KIAA0825: variants seen among roughly 807,000 people sequenced by gnomAD.
The protein encoded by KIAA0825 is uncharacterized protein KIAA0825.
In KIAA0825, 119 loss-of-function variants were observed where a neutral mutation model predicts 147.6. That is an observed-to-expected ratio of 0.81 (90% CI 0.69 to 0.94). The LOEUF (loss-of-function observed/expected upper bound fraction) is 0.94, where lower values mean the gene tolerates loss of function less well. KIAA0825 is among the 40% of genes least tolerant of loss of function. The pLI, the probability that KIAA0825 is intolerant of heterozygous loss-of-function variation, is 0.00. For missense variants in KIAA0825, 1,381 were observed against 1,472.7 expected (o/e 0.94, Z 1.02); for synonymous variants, 470 against 518.1 (o/e 0.91, Z 1.26).
chr5:94,596,676 A>T (rs1785372845), intron 1 of KIAA0825, among the ~76,000 whole-genome samples: 1 of 152,184 alleles, frequency 6.6e-6, no homozygotes, highest in African/African-American at 2.4e-5. Context: ...CAGTATGACT[A>T]TTTTAATGAT....
intron 20 of KIAA0825, among the ~76,000 whole-genome samples, chr5:94,220,520 A>G (rs925420923): frequency 6.6e-6 from 1 of 152,198 alleles, no homozygotes; most frequent in Admixed American, 6.5e-5. Flanking sequence ...GGCAGCACAC[A>G]TTTGTTTATA....
At chr5:94,544,868 A>G (rs1285163043) in intron 2 of KIAA0825, among the ~76,000 whole-genome samples, 1 of 152,166 alleles carries the variant, frequency 6.6e-6, no homozygotes, top group Non-Finnish European at 1.5e-5. Context: ...AACTAAGTAC[A>G]CACAAAAAGC....
intron 13 of KIAA0825, among the ~76,000 whole-genome samples, chr5:94,450,766 G>A (rs995418869): frequency 3.9e-5 from 6 of 152,274 alleles, no homozygotes; most frequent in South Asian, 2.1e-4. Context: ...ATACTAGCAC[G>A]TCAGAATCCC....
chr5:94,216,350 A>C (rs1469813690), intron 20 of KIAA0825, among the ~76,000 whole-genome samples: 1 of 152,136 alleles, frequency 6.6e-6, no homozygotes, highest in Non-Finnish European at 1.5e-5. Flanking sequence ...TTAGGGGTGA[A>C]GGGAGTAGTA....
At chr5:94,552,483 T>C (rs551535925) in intron 2 of KIAA0825, among the ~76,000 whole-genome samples, 1 of 152,282 alleles carries the variant, frequency 6.6e-6, no homozygotes, top group South Asian at 2.1e-4. Flanking sequence ...ACATGGAACA[T>C]TCTTCAGGAC....
chr5:94,475,878 T>C (rs1035737370), intron 7 of KIAA0825, among the ~76,000 whole-genome samples: 1 of 152,168 alleles, frequency 6.6e-6, no homozygotes, highest in Non-Finnish European at 1.5e-5. Flanking sequence ...AATAGTTTAT[T>C]TGTTCTTATG....
chr5:94,510,421 C>A (rs1333469782), intron 5 of KIAA0825, among the ~76,000 whole-genome samples: 1 of 152,136 alleles, frequency 6.6e-6, no homozygotes, highest in African/African-American at 2.4e-5. Context: ...TTATACTTTT[C>A]TAAATAATAG....
intron 2 of KIAA0825, among the ~76,000 whole-genome samples, chr5:94,537,373 C>T (rs992820843): frequency 5.3e-5 from 8 of 152,226 alleles, no homozygotes; most frequent in African/African-American, 1.9e-4. Flanking sequence ...AGCTGAGGGC[C>T]GGGCGCGGTG....
At chr5:94,400,768 A>C (rs1751268980) in intron 16 of KIAA0825, among the ~76,000 whole-genome samples, 1 of 152,150 alleles carries the variant, frequency 6.6e-6, no homozygotes, top group African/African-American at 2.4e-5. Flanking sequence ...ACTTCCATCC[A>C]ACTCTCCAGT....
chr5:94,515,449 G>GA (rs894962989), intron 5 of KIAA0825, among the ~76,000 whole-genome samples: 7 of 151,960 alleles, frequency 4.6e-5, no homozygotes, highest in African/African-American at 9.7e-5. Context: ...TAAGCTAAAT[G>GA]AAAAAAATAT....
At chr5:94,599,979 C>T (rs182916008) in intron 1 of KIAA0825, among the ~76,000 whole-genome samples, 4 of 152,176 alleles carry the variant, frequency 2.6e-5, no homozygotes, top group African/African-American at 7.2e-5. Flanking sequence ...CTAAACAATA[C>T]AAAGATAAAT....
chr5:94,325,938 T>C (rs1450286442), intron 20 of KIAA0825, among the ~76,000 whole-genome samples: 3 of 152,080 alleles, frequency 2.0e-5, no homozygotes, highest in Non-Finnish European at 4.4e-5. Context: ...GCAGTTAATA[T>C]CAGAGTTTTT....
intron 20 of KIAA0825, among the ~76,000 whole-genome samples, chr5:94,355,222 G>A (rs2150379149): frequency 6.6e-6 from 1 of 152,260 alleles, no homozygotes; most frequent in African/African-American, 2.4e-5. Flanking sequence ...TTCCTATTCA[G>A]ACCTTTAAGA....
chr5:94,203,575 A>G (rs1325352011), intron 20 of KIAA0825, among the ~76,000 whole-genome samples: 1 of 152,184 alleles, frequency 6.6e-6, no homozygotes, highest in Non-Finnish European at 1.5e-5. Context: ...ACTGAGTAAA[A>G]ACATCTAGTG....
intron 20 of KIAA0825, among the ~76,000 whole-genome samples, chr5:94,203,273 A>G (rs1268058442): frequency 6.6e-6 from 1 of 152,212 alleles, no homozygotes. Flanking sequence ...CCTTACCATT[A>G]AGAACTAATA....
chr5:94,176,282 T>A (rs1769094034), intron 20 of KIAA0825, among the ~76,000 whole-genome samples: 1 of 152,160 alleles, frequency 6.6e-6, no homozygotes, highest in African/African-American at 2.4e-5. Context: ...CACCATGTGA[T>A]CTCTTTGCAT....
chr5:94,546,792 CAAAAAAAAAAAAA>C (rs372542896), intron 2 of KIAA0825, among the ~76,000 whole-genome samples: 1 of 49,654 alleles, frequency 2.0e-5, no homozygotes, highest in African/African-American at 8.9e-5. Flanking sequence ...GTCCAGGCAC[CAAAAAAAAAAAAA>C]AAAAAAAAAA....
At chr5:94,442,312 T>C (rs1757181700) in intron 13 of KIAA0825, among the ~76,000 whole-genome samples, 1 of 152,162 alleles carries the variant, frequency 6.6e-6, no homozygotes, top group African/African-American at 2.4e-5. Context: ...GCTTCCCATG[T>C]AAAACTCTGA....
chr5:94,238,299 A>C (rs1046618254), intron 20 of KIAA0825, among the ~76,000 whole-genome samples: 2 of 152,160 alleles, frequency 1.3e-5, no homozygotes, highest in Non-Finnish European at 2.9e-5. Flanking sequence ...AATTTTTTAT[A>C]ATATGAGGAA....
Sources: allele counts gnomAD v4.1 joint callset (sites outside exome capture counted in the v4.1 genomes callset), GRCh38; gene constraint gnomAD v4.1.1; transcripts MANE v1.5; gene names NCBI Gene and HGNC (gene_info 2026-07-23, HGNC 2026-07-21).